NLRP14: variants seen among roughly 807,000 people sequenced by gnomAD.
The protein encoded by NLRP14 is NLR family pyrin domain containing 14.
NLRP14 carries 105 observed loss-of-function variants against 94.7 expected under a neutral mutation model. The ratio of observed to expected loss-of-function variants is 1.11; its 90% CI spans 0.95 to 1.30. NLRP14 has a LOEUF of 1.30. NLRP14 is among the 50% of genes most tolerant of loss of function. The pLI is 0.00. For synonymous variants in NLRP14, 508 were observed against 459.9 expected (o/e 1.10, Z -1.34); for missense variants, 1,362 against 1,254.1 (o/e 1.09, Z -1.30).
intron 1 of NLRP14, among the ~76,000 whole-genome samples, chr11:7,038,190 C>A (rs1183504414): frequency 6.6e-6 from 1 of 152,028 alleles, no homozygotes; most frequent in Non-Finnish European, 1.5e-5. Context: ...CAGTTCTGTG[C>A]CAGGTGATAT....
chr11:7,023,503 A>C (rs1218295663), intron 1 of NLRP14, among the ~76,000 whole-genome samples: 2 of 136,940 alleles, frequency 1.5e-5, no homozygotes, highest in Admixed American at 8.0e-5. Flanking sequence ...AATATATAAA[A>C]ATTTATGTAT....
chr11:7,068,194 C>T (rs989424266), intron 10 of NLRP14, among the ~76,000 whole-genome samples: 2 of 152,086 alleles, frequency 1.3e-5, no homozygotes, highest in Non-Finnish European at 2.9e-5. Context: ...TTGATCCACT[C>T]TGTTGTACAT....
At chr11:7,022,892 G>A (rs1437383774) in intron 1 of NLRP14, among the ~76,000 whole-genome samples, 1 of 152,122 alleles carries the variant, frequency 6.6e-6, no homozygotes, top group East Asian at 1.9e-4. Context: ...CTCTCAGGAG[G>A]AATATTATCA....
At chr11:7,073,911 G>A (rs1323513802), downstream of NLRP14, among the ~76,000 whole-genome samples, 2 of 152,094 alleles carry the variant, frequency 1.3e-5, no homozygotes. Context: ...TTAAGTCACT[G>A]GCCATTGTCA....
Position 7,071,206 on chromosome 11 carries a change from G to C in NLRP14, c.3180G>C (p.Gln1060His). ...AAGAGGCATTTGATGAGGAAGCCCA[G>C]AAGCTGCTGGAAGCTGTGGGAGTTA... is the stretch of plus-strand genomic sequence containing the variant. ...LCKEAFDEEA[Q>H]KLLEAVGVSN... The change falls in exon 12 of 12, where the codon CAG becomes CAC. Residue 1060 changes from glutamine to histidine, a missense_variant. By Grantham distance (24) the Gln-to-His change is conservative (BLOSUM62 0). Transcript: ENST00000299481. 1 of 1,613,852 alleles carries C rather than the reference G, an allele frequency of 6.2e-7. No individual in the cohort carries two copies. Among genetic ancestry groups the C allele is most frequent in the South Asian group, 1.1e-5 (1 of 91,074 alleles).
chr11:7,035,520 G>T (rs1433770525), intron 1 of NLRP14, among the ~76,000 whole-genome samples: 1 of 152,086 alleles, frequency 6.6e-6, no homozygotes, highest in Non-Finnish European at 1.5e-5. Context: ...ATCATATAAC[G>T]CACGTATAGT....
chr11:7,090,590 T>A, the NLRP14 span: 2 of 445,732 alleles, frequency 4.5e-6, no homozygotes, highest in East Asian at 9.7e-5. Context: ...TAATGGCTTC[T>A]TCCCTTGTAA....
chr11:7,084,821 G>A, the NLRP14 span, among the ~76,000 whole-genome samples: 1,809 of 152,278 alleles, frequency 0.012, 26 homozygotes, highest in Middle Eastern at 0.065. Context: ...TAGCCAAGTC[G>A]GATAAGCAGT....
the NLRP14 span, chr11:7,090,542 A>G: frequency 3.6e-6 from 2 of 562,788 alleles, no homozygotes; most frequent in Non-Finnish European, 6.5e-6. Flanking sequence ...TATGAACCTG[A>G]GTACTAGTCT....
rs778290684 is a variant in NLRP14 at position 7,039,788 on chromosome 11, G to A, written c.361+3G>A. 6.2e-6 allele frequency: 10 copies of A among 1,609,612 alleles called. No individual in the cohort carries two copies. The highest frequency in any genetic ancestry group is 7.7e-6 in the Non-Finnish European group (9 of 1,175,880). On this transcript the variant is annotated splice_donor_region_variant and intron_variant, in intron 3 of 11. Coordinates refer to ENST00000299481, the MANE Select transcript of NLRP14 (RefSeq NM_176822.4). The stretch of plus-strand genomic sequence containing the variant: ...AGAAGATCAGGAGGCAGTGCTGGGT[G>A]AGTAGTTAGGCCTTTCATCAGATTT...
chr11:7,036,603 A>G (rs995458373), intron 1 of NLRP14, among the ~76,000 whole-genome samples: 2 of 152,164 alleles, frequency 1.3e-5, no homozygotes, highest in African/African-American at 4.8e-5. Context: ...ATCCTTGCAG[A>G]GGTAGGTACT....
At chr11:7,024,194 G>T (rs190259120) in intron 1 of NLRP14, among the ~76,000 whole-genome samples, 2 of 152,088 alleles carry the variant, frequency 1.3e-5, no homozygotes, top group African/African-American at 4.8e-5. Context: ...CTCTCAAATG[G>T]TATATTGAAA....
intron 1 of NLRP14, among the ~76,000 whole-genome samples, chr11:7,021,492 G>C (rs1291456107): frequency 6.6e-6 from 1 of 152,148 alleles, no homozygotes; most frequent in Non-Finnish European, 1.5e-5. Flanking sequence ...GCATAGCATA[G>C]CATTTTAAAA....
rs117592824 is a variant in NLRP14, at chr11:7,046,360, C to A, written c.1959-308C>A. Among the ~76,000 whole-genome samples, 9 of 152,222 alleles carry A rather than the reference C, an allele frequency of 5.9e-5. No homozygotes were observed. The East Asian group carries it at 1.5e-3, about 26-fold the overall frequency. On this transcript the variant is annotated intron_variant, in intron 4 of 11. Transcript: ENST00000299481. The stretch of plus-strand genomic sequence containing the variant: ...ATTTTATTTTTCTTTTTGATATTGG[C>A]TCTTCAAGTATTTGAATACTTCTCT...
intron 10 of NLRP14, among the ~76,000 whole-genome samples, chr11:7,064,277 G>A (rs1161101703): frequency 6.6e-6 from 1 of 152,118 alleles, no homozygotes; most frequent in Non-Finnish European, 1.5e-5. Flanking sequence ...ATGGCATCAG[G>A]CACAGCAAAG....
At position 7,021,636 on chromosome 11, in the gene NLRP14, A is replaced by G. The variant is rs376509920; in HGVS notation, c.-22+866A>G. On this transcript the variant is annotated intron_variant, in intron 1 of 11. Coordinates refer to ENST00000299481, the MANE Select transcript of NLRP14 (RefSeq NM_176822.4). ...CCTGTAAATTGCAATGTATTTATTT[A>G]TTTATTTTTTATTATACTGTAAGTT... is the stretch of plus-strand genomic sequence containing the variant. 3.9e-5 allele frequency among the ~76,000 whole-genome samples: 6 copies of G among 151,990 alleles called. No individual in the cohort carries two copies. The East Asian group carries it at 1.2e-3, about 29-fold the overall frequency.
chr11:7,049,387 C>T (rs1258797720), intron 5 of NLRP14, among the ~76,000 whole-genome samples: 1 of 152,060 alleles, frequency 6.6e-6, no homozygotes, highest in African/African-American at 2.4e-5. Flanking sequence ...CTTGGAATGG[C>T]CCTGATAATT....
chr11:7,078,462 A>AAG, the NLRP14 span, among the ~76,000 whole-genome samples: 86 of 88,518 alleles, frequency 9.7e-4, 26 homozygotes, highest in Admixed American at 1.7e-3. Flanking sequence ...AAAAAAAAAA[A>AAG]CAAAAAAATT....
chr11:7,090,000 C>G, the NLRP14 span: 6 of 1,613,108 alleles, frequency 3.7e-6, no homozygotes, highest in Middle Eastern at 1.6e-4. Flanking sequence ...CGGCGCCGCC[C>G]CAGGACGGGG....
Sources: gnomAD v4.1 joint callset for allele counts (sites outside exome capture counted in the v4.1 genomes callset) on GRCh38, gnomAD v4.1.1 for gene constraint, MANE v1.5 for transcripts, NCBI Gene and HGNC (gene_info 2026-07-23, HGNC 2026-07-21) for gene names.